The following PGBD5 variants were observed in gnomAD, a reference collection of about 807,000 sequenced individuals.
PGBD5 encodes piggyBac transposable element derived 5, also known as piggyBac transposable element-derived protein 5.
In PGBD5, 14 loss-of-function variants were observed where a neutral mutation model predicts 47.9. That is an observed-to-expected ratio of 0.29 (90% confidence interval 0.19 to 0.46). PGBD5 has a LOEUF of 0.46. PGBD5 is among the 20% of genes least tolerant of loss of function. PGBD5 has a pLI of 1.00. For synonymous variants in PGBD5, 316 were observed against 306.3 expected (o/e 1.03, Z -0.33); for missense variants, 635 against 716.0 (o/e 0.89, Z 1.29).
chr1:230,396,131 AC>A (rs1482301359), intron 1 of PGBD5, among the ~76,000 whole-genome samples: 8 of 55,882 alleles, frequency 1.4e-4, no homozygotes, highest in East Asian at 4.8e-4. Flanking sequence ...CCTCCCCTTT[AC>A]CCCCCATACT....
chr1:230,399,985 C>G (rs537695633), intron 1 of PGBD5, among the ~76,000 whole-genome samples: 2 of 152,348 alleles, frequency 1.3e-5, no homozygotes, highest in South Asian at 4.1e-4. Flanking sequence ...CACAGCATCT[C>G]TTTAAAACTT....
intron 1 of PGBD5, among the ~76,000 whole-genome samples, chr1:230,402,088 C>G (rs1351900187): frequency 2.0e-5 from 3 of 152,166 alleles, no homozygotes; most frequent in Non-Finnish European, 4.4e-5. Context: ...CCAGATGAAG[C>G]CTTTCAGGCT....
intron 1 of PGBD5, among the ~76,000 whole-genome samples, chr1:230,376,684 C>T (rs1668019437): frequency 6.6e-6 from 1 of 152,154 alleles, no homozygotes. Context: ...CACACAACTC[C>T]AGGGTCAGAG....
rs1432246321 is a variant in PGBD5 at position 230,426,087 on chromosome 1, G to C, written c.-159C>G. The C allele has an allele frequency of 1.5e-4, 32 of 206,922 alleles. No individual in the cohort carries two copies. The highest frequency in any genetic ancestry group is 2.1e-4 in the Non-Finnish European group (25 of 121,862). 12.8% of individuals were successfully genotyped at this position (206,922 alleles called of 1,614,324 possible). A position where few individuals can be genotyped will look rare whatever the true frequency, so the allele number is the denominator to read the frequency against. On this transcript the variant is annotated 5_prime_UTR_variant, in exon 1 of 7. Transcript: ENST00000391860. ...GCCGGCCCGCCGTCTTGGCCGCCTCGGGCCCAGCGCCCGGGGAAGCGCCCT... is the reference window on the plus strand; with the variant it reads ...GCCGGCCCGCCGTCTTGGCCGCCTCCGGCCCAGCGCCCGGGGAAGCGCCCT...
At chr1:230,422,133 CCTCT>C (rs148641792) in intron 1 of PGBD5, among the ~76,000 whole-genome samples, 6 of 150,242 alleles carry the variant, frequency 4.0e-5, no homozygotes, top group Non-Finnish European at 5.9e-5. Flanking sequence ...TATATTTTTC[CCTCT>C]CTCTCTCTCT....
chr1:230,403,054 T>C (rs2102742974), intron 1 of PGBD5, among the ~76,000 whole-genome samples: 1 of 152,096 alleles, frequency 6.6e-6, no homozygotes, highest in African/African-American at 2.4e-5. Flanking sequence ...GTCGTTAGAG[T>C]CCTATCAGAC....
chr1:230,408,062 C>A (rs1438786327), intron 1 of PGBD5, among the ~76,000 whole-genome samples: 1 of 152,148 alleles, frequency 6.6e-6, no homozygotes, highest in Non-Finnish European at 1.5e-5. Flanking sequence ...ACAGTTGTAG[C>A]CCAAATTGCC....
chr1:230,397,028 G>A (rs1657001763), intron 1 of PGBD5, among the ~76,000 whole-genome samples: 1 of 152,224 alleles, frequency 6.6e-6, no homozygotes, highest in African/African-American at 2.4e-5. Flanking sequence ...GAGGTGCACT[G>A]TTGTCACTGG....
At chr1:230,419,224 G>T (rs547088199) in intron 1 of PGBD5, among the ~76,000 whole-genome samples, 275 of 152,340 alleles carry the variant, frequency 1.8e-3, no homozygotes, top group African/African-American at 6.3e-3. Flanking sequence ...ACACCACGCA[G>T]TTATAAAAAA....
chr1:230,415,543 C>T (rs977122184), intron 1 of PGBD5, among the ~76,000 whole-genome samples: 11 of 152,218 alleles, frequency 7.2e-5, no homozygotes, highest in African/African-American at 2.7e-4. Context: ...TATCTACTGG[C>T]TTCCTGTCTG....
At chr1:230,379,222 G>A (rs1274390746) in intron 1 of PGBD5, among the ~76,000 whole-genome samples, 1 of 152,076 alleles carries the variant, frequency 6.6e-6, no homozygotes, top group Admixed American at 6.6e-5. Flanking sequence ...CTCCTGCTTT[G>A]TGACCAGCAC....
intron 1 of PGBD5, among the ~76,000 whole-genome samples, chr1:230,360,042 C>T (rs1049091242): frequency 1.6e-4 from 25 of 152,150 alleles, no homozygotes; most frequent in African/African-American, 5.1e-4. Context: ...TTGCAGCCTC[C>T]GGTGGGTGCA....
intron 3 of PGBD5, among the ~76,000 whole-genome samples, chr1:230,339,891 G>T (rs534736514): frequency 6.6e-6 from 1 of 152,266 alleles, no homozygotes; most frequent in African/African-American, 2.4e-5. Flanking sequence ...AAATCTGTTA[G>T]ATAGGAGGAA....
chr1:230,332,711 GAA>G, intron 5 of PGBD5, 131 bp downstream of exon 5: 1 of 1,039,166 alleles, frequency 9.6e-7, no homozygotes, highest in Non-Finnish European at 1.4e-6. Flanking sequence ...AGATGCTGGG[GAA>G]TAACCGAGGG....
chr1:230,329,973 T>A (rs1009293914), intron 5 of PGBD5, among the ~76,000 whole-genome samples: 1 of 152,154 alleles, frequency 6.6e-6, no homozygotes, highest in Non-Finnish European at 1.5e-5. Flanking sequence ...AATGAAAACT[T>A]TTTTTTATGT....
intron 1 of PGBD5, among the ~76,000 whole-genome samples, chr1:230,373,500 C>T (rs1210481205): frequency 6.6e-6 from 1 of 152,138 alleles, no homozygotes; most frequent in African/African-American, 2.4e-5. Context: ...GAGGGCAAAC[C>T]AGGAAGACAC....
chr1:230,335,856 TACAC>T (rs975528359), intron 4 of PGBD5, among the ~76,000 whole-genome samples: 3 of 96,290 alleles, frequency 3.1e-5, no homozygotes, highest in Admixed American at 1.0e-4. Context: ...GACACACAGA[TACAC>T]ACACAGATGC....
intron 1 of PGBD5, among the ~76,000 whole-genome samples, chr1:230,393,773 G>A (rs1413623105): frequency 1.3e-5 from 2 of 150,460 alleles, no homozygotes; most frequent in Non-Finnish European, 3.0e-5. Context: ...TGCAGTGAGC[G>A]GAGATCGCGC....
intron 2 of PGBD5, among the ~76,000 whole-genome samples, chr1:230,354,730 C>A (rs1479179104): frequency 1.3e-5 from 2 of 152,182 alleles, no homozygotes; most frequent in East Asian, 1.9e-4. Context: ...CCGGATCACA[C>A]CCCTAGCCAA....
Sources: allele counts gnomAD v4.1 joint callset (sites outside exome capture counted in the v4.1 genomes callset), GRCh38; gene constraint gnomAD v4.1.1; transcripts MANE v1.5; gene names NCBI Gene and HGNC (gene_info 2026-07-23, HGNC 2026-07-21).